Variants in POU6F2 observed in about 807,000 individuals in gnomAD.
POU6F2 encodes POU class 6 homeobox 2.
Under a neutral mutation model 71.3 loss-of-function variants are expected in POU6F2, and 31 were observed. That is an observed-to-expected ratio of 0.43 (90% CI 0.33 to 0.59). The LOEUF (loss-of-function observed/expected upper bound fraction) is 0.59. Ranked by LOEUF, POU6F2 falls within the 20% of genes least tolerant of loss-of-function variation. POU6F2 has a pLI of 0.04. For synonymous variants in POU6F2, 347 were observed against 355.7 expected (o/e 0.98, Z 0.27); for missense variants, 783 against 856.8 (o/e 0.91, Z 1.07).
intron 4 of POU6F2, among the ~76,000 whole-genome samples, chr7:39,334,801 C>G (rs59663839): frequency 0.13 from 19,746 of 152,122 alleles, 1,376 homozygotes; most frequent in Middle Eastern, 0.16. Flanking sequence ...TTTTCTTCTT[C>G]TAGAGATCTT....
intron 1 of POU6F2, among the ~76,000 whole-genome samples, chr7:39,040,570 A>C (rs2128711759): frequency 6.6e-6 from 1 of 152,006 alleles, no homozygotes; most frequent in East Asian, 1.9e-4. Flanking sequence ...TTTCCAGAAG[A>C]AAACAACTGG....
chr7:39,297,190 T>TCAC (rs1554339589), intron 4 of POU6F2, among the ~76,000 whole-genome samples: 1 of 118,178 alleles, frequency 8.5e-6, no homozygotes, highest in East Asian at 2.7e-4. Flanking sequence ...CAAACACACA[T>TCAC]ACACATACAC....
At chr7:39,200,164 C>T (rs972635762) in intron 2 of POU6F2, among the ~76,000 whole-genome samples, 1 of 152,190 alleles carries the variant, frequency 6.6e-6, no homozygotes, top group African/African-American at 2.4e-5. Context: ...ATTCAGAAAA[C>T]GGATTGCATA....
intron 2 of POU6F2, among the ~76,000 whole-genome samples, chr7:39,182,034 T>G (rs927806340): frequency 1.3e-5 from 2 of 152,230 alleles, no homozygotes; most frequent in Non-Finnish European, 1.5e-5. Flanking sequence ...AACAAAATAT[T>G]ATACTCCATA....
chr7:39,225,470 C>T (rs1794444650), intron 4 of POU6F2, among the ~76,000 whole-genome samples: 1 of 152,176 alleles, frequency 6.6e-6, no homozygotes, highest in Non-Finnish European at 1.5e-5. Flanking sequence ...TCTCAGTGTA[C>T]TGGGGTTGAA....
chr7:39,076,253 CCCTT>C (rs907049025), intron 1 of POU6F2, among the ~76,000 whole-genome samples: 2 of 151,648 alleles, frequency 1.3e-5, no homozygotes, highest in Non-Finnish European at 2.9e-5. Context: ...TCCATTCCCT[CCCTT>C]CCTTCCTTCC....
chr7:39,339,592 A>G (rs749665415), intron 4 of POU6F2, 50 bp from the exon 5 acceptor site: 1 of 1,535,354 alleles, frequency 6.5e-7, no homozygotes, highest in East Asian at 2.3e-5. Flanking sequence ...AGACCCAGCA[A>G]GACACTTTGT....
At position 39,079,180 on chromosome 7, in the gene POU6F2, C is replaced by CTTT. The variant is rs1162865518; in HGVS notation, c.106-6658_106-6656dup. Among the ~76,000 whole-genome samples the CTTT allele has an allele frequency of 9.8e-3, 776 of 79,294 alleles. 36 individuals carry two copies. The highest frequency in any genetic ancestry group is 0.022 in the South Asian group (38 of 1,710). The allele number at this position is 79,294 out of a possible 152,430, so 52.0% of individuals were successfully genotyped here. A position where few individuals can be genotyped will look rare whatever the true frequency, so the allele number is the denominator to read the frequency against. ...TTATCTCACTTGAGTCTCACAATAT[C>CTTT]TTTTTTTTTTTTTTTTTTTTTTTTC... On this transcript the variant is annotated intron_variant, in intron 1 of 9. Transcript: ENST00000518318.
intron 4 of POU6F2, among the ~76,000 whole-genome samples, chr7:39,334,988 C>T (rs1785737238): frequency 6.6e-6 from 1 of 152,178 alleles, no homozygotes; most frequent in Non-Finnish European, 1.5e-5. Flanking sequence ...CCCGGAGATA[C>T]TCTAGAGACA....
intron 2 of POU6F2, among the ~76,000 whole-genome samples, chr7:39,163,570 C>T (rs1793042503): frequency 6.6e-6 from 1 of 152,086 alleles, no homozygotes; most frequent in African/African-American, 2.4e-5. Flanking sequence ...AGAACAGATC[C>T]AGAGACTCTC....
intron 2 of POU6F2, among the ~76,000 whole-genome samples, chr7:39,102,128 G>T (rs12674262): frequency 0.23 from 34,492 of 152,080 alleles, 4,558 homozygotes; most frequent in East Asian, 0.56. Context: ...TTTCAATTAG[G>T]TGAAAGGGCC....
chr7:39,052,258 T>C (rs1377268640), intron 1 of POU6F2, among the ~76,000 whole-genome samples: 2 of 152,038 alleles, frequency 1.3e-5, no homozygotes, highest in African/African-American at 4.8e-5. Context: ...TGAGAAAAAC[T>C]TGGGCCCAGA....
chr7:39,124,192 G>T (rs552815468), intron 2 of POU6F2, among the ~76,000 whole-genome samples: 1 of 151,890 alleles, frequency 6.6e-6, no homozygotes, highest in Admixed American at 6.6e-5. Context: ...GATTACAGGC[G>T]TGCACCACCA....
chr7:39,090,470 A>T (rs539547550), intron 2 of POU6F2, among the ~76,000 whole-genome samples: 2 of 152,260 alleles, frequency 1.3e-5, no homozygotes, highest in African/African-American at 4.8e-5. Flanking sequence ...CCTCATGCCC[A>T]TGCATCAGTG....
At chr7:39,012,772 G>T (rs1369222758) in intron 1 of POU6F2, among the ~76,000 whole-genome samples, 1 of 150,334 alleles carries the variant, frequency 6.7e-6, no homozygotes, top group Non-Finnish European at 1.5e-5. Flanking sequence ...AGGTCTGTTG[G>T]AATACCCTGC....
chr7:39,028,159 C>A (rs1390226731), intron 1 of POU6F2, among the ~76,000 whole-genome samples: 2 of 151,918 alleles, frequency 1.3e-5, no homozygotes, highest in African/African-American at 4.8e-5. Flanking sequence ...CTGTTCATGT[C>A]ATATTTTCTA....
intron 1 of POU6F2, among the ~76,000 whole-genome samples, chr7:39,029,468 C>A (rs1789889386): frequency 6.7e-6 from 1 of 149,060 alleles, no homozygotes; most frequent in African/African-American, 2.5e-5. Flanking sequence ...TGTCATTTTT[C>A]ATTATCAAAA....
chr7:39,227,034 A>G (rs993215953), intron 4 of POU6F2, among the ~76,000 whole-genome samples: 6 of 152,238 alleles, frequency 3.9e-5, no homozygotes, highest in Non-Finnish European at 8.8e-5. Context: ...CTTGTACTAA[A>G]GCATAAGCTG....
chr7:39,333,720 A>G (rs2115578675), intron 4 of POU6F2, among the ~76,000 whole-genome samples: 2 of 152,358 alleles, frequency 1.3e-5, no homozygotes, highest in South Asian at 4.1e-4. Flanking sequence ...CCTGGGTGAC[A>G]GAGTGAGACT....
Sources: gnomAD v4.1 joint callset for allele counts (sites outside exome capture counted in the v4.1 genomes callset) on GRCh38, gnomAD v4.1.1 for gene constraint, MANE v1.5 for transcripts, NCBI Gene and HGNC (gene_info 2026-07-23, HGNC 2026-07-21) for gene names.